The following ARSF variants were observed in gnomAD, a reference collection of about 807,000 sequenced individuals.
The protein encoded by ARSF is arylsulfatase F.
ARSF carries 33 observed loss-of-function variants against 35.4 expected under a neutral mutation model. That is an observed-to-expected ratio of 0.93 (90% confidence interval 0.71 to 1.25). ARSF has a LOEUF of 1.25. ARSF is among the 50% of genes most tolerant of loss of function. ARSF has a pLI of 0.00. For missense variants in ARSF, 501 were observed against 480.2 expected (o/e 1.04, Z -0.40); for synonymous variants, 222 against 193.1 (o/e 1.15, Z -1.24).
rs1324597129 is a variant in ARSF, at chrX:3,112,388, C to G, written c.1605C>G (p.Ala535=). ...PLHDFVIKKV[A]NALKEHQETI... ...ATGATTTTGTGATTAAAAAGGTGGC[C>G]AACGCCCTGAAGGAACACCAGGAAA... The change falls in exon 11 of 11, where the codon GCC becomes GCG. Residue 535 remains alanine, a synonymous_variant. Coordinates refer to ENST00000381127, the MANE Select transcript of ARSF (RefSeq NM_001201539.2). The G allele has an allele frequency of 5.0e-6, 6 of 1,209,218 alleles. No homozygotes were observed. In the Admixed American group the frequency reaches 6.6e-5, roughly 13 times the overall value.
At chrX:3,058,463 C>T (rs1400411743) in intron 1 of ARSF, 3 of 242,599 alleles carry the variant, frequency 1.2e-5, no homozygotes, top group African/African-American at 2.9e-5. Flanking sequence ...GAAGCGATCC[C>T]CCACCTCAGT....
intron 1 of ARSF, among the ~76,000 whole-genome samples, chrX:3,055,534 G>A (rs954256721): frequency 9.1e-5 from 10 of 110,146 alleles, no homozygotes; most frequent in Non-Finnish European, 1.5e-4. Context: ...ACAGAAATAC[G>A]TATATATGGT....
chrX:3,082,579 C>T (rs2090210253), intron 5 of ARSF, among the ~76,000 whole-genome samples: 1 of 110,821 alleles, frequency 9.0e-6, no homozygotes, highest in Non-Finnish European at 1.9e-5. Context: ...TCTATTTAGA[C>T]ATCTCTCTAT....
chrX:3,085,360 A>AT (rs1569141942), intron 6 of ARSF, among the ~76,000 whole-genome samples: 130 of 103,386 alleles, frequency 1.3e-3, no homozygotes, highest in South Asian at 4.3e-3. Context: ...CATATAGATA[A>AT]ATATATATAT....
At chrX:3,092,706 A>G (rs1231424613) in intron 7 of ARSF, among the ~76,000 whole-genome samples, 1 of 112,495 alleles carries the variant, frequency 8.9e-6, no homozygotes, top group Non-Finnish European at 1.9e-5. Flanking sequence ...AAGAATAAAC[A>G]TCTGCTTTAA....
Position 3,047,531 on chromosome X carries a change from G to T in ARSF, c.-29+5868G>T, listed in dbSNP as rs1163118021. On this transcript the variant is annotated intron_variant, in intron 1 of 10. Transcript: ENST00000381127. Reference sequence around the variant, plus strand: ...AAAGAAAGAGCATGTTTGGGCTGGTGCAGGGCCCGCAGCTCACTCACTATT... The same window carrying T: ...AAAGAAAGAGCATGTTTGGGCTGGTTCAGGGCCCGCAGCTCACTCACTATT... Among the ~76,000 whole-genome samples, 6 of 110,903 alleles carry T rather than the reference G, an allele frequency of 5.4e-5. No homozygotes were observed. The East Asian group carries it at 1.4e-3, about 26-fold the overall frequency.
At chrX:3,052,690 CAAA>C (rs60919775) in intron 1 of ARSF, among the ~76,000 whole-genome samples, 12 of 73,666 alleles carry the variant, frequency 1.6e-4, no homozygotes, top group Admixed American at 1.6e-4. Flanking sequence ...GACCCTGTCT[CAAA>C]AAAAAAAAAA....
At chrX:3,076,498 G>A (rs760973956) in intron 3 of ARSF, 50 bp from the exon 4 acceptor site, 27 of 1,124,301 alleles carry the variant, frequency 2.4e-5, no homozygotes, top group East Asian at 3.4e-5. Flanking sequence ...TGCTTCCCCC[G>A]CCCCCCACCT....
chrX:3,093,288 G>A (rs1196381916), intron 7 of ARSF, among the ~76,000 whole-genome samples: 3 of 111,962 alleles, frequency 2.7e-5, no homozygotes, highest in African/African-American at 9.8e-5. Context: ...GATTCAGGGA[G>A]TACGCATGCA....
chrX:3,072,223 C>T (rs376800047), intron 3 of ARSF, 48 bp downstream of exon 3: 52 of 1,172,679 alleles, frequency 4.4e-5, no homozygotes, highest in Non-Finnish European at 6.0e-5. Flanking sequence ...CGTTCAGGTT[C>T]AGCAGGCTGG....
intron 7 of ARSF, among the ~76,000 whole-genome samples, chrX:3,094,063 G>C (rs1039108320): frequency 3.6e-5 from 4 of 111,921 alleles, no homozygotes; most frequent in African/African-American, 1.3e-4. Flanking sequence ...TTTCCAGCTG[G>C]TATAATAAAC....
intron 1 of ARSF, among the ~76,000 whole-genome samples, chrX:3,057,464 G>A (rs188099806): frequency 1.1e-3 from 123 of 111,102 alleles, no homozygotes; most frequent in Non-Finnish European, 4.5e-4. Context: ...CAGGCAGAAC[G>A]TCTTATTAGG....
intron 1 of ARSF, among the ~76,000 whole-genome samples, chrX:3,057,075 G>A (rs2090021510): frequency 9.0e-6 from 1 of 111,298 alleles, no homozygotes; most frequent in Non-Finnish European, 1.9e-5. Flanking sequence ...AAAAGAGTCG[G>A]TTGCCCATCA....
intron 4 of ARSF, 57 bp downstream of exon 4, chrX:3,076,726 C>T (rs1195249540): frequency 8.5e-7 from 1 of 1,178,016 alleles, no homozygotes; most frequent in African/African-American, 1.8e-5. Flanking sequence ...TGTGAGGAAA[C>T]AAAAATGTGG....
intron 1 of ARSF, among the ~76,000 whole-genome samples, chrX:3,042,729 C>T (rs1164313975): frequency 2.6e-4 from 29 of 110,656 alleles, no homozygotes; most frequent in African/African-American, 9.2e-4. Context: ...AACTCCTAAC[C>T]TCAGGTGATC....
chrX:3,098,038 TACACACACAAC>T (rs2090348622), intron 7 of ARSF, among the ~76,000 whole-genome samples: 1 of 53,181 alleles, frequency 1.9e-5, no homozygotes, highest in Admixed American at 2.3e-4. Flanking sequence ...TATATACACA[TACACACACAAC>T]ACACACACAC....
Position 3,112,362 on chromosome X carries a change from C to T in ARSF, c.1579C>T (p.His527Tyr), listed in dbSNP as rs1052638. Residue 527 changes from histidine (H) to tyrosine (Y), a missense_variant, in exon 11 of 11, where the codon CAT becomes TAT. Coordinates refer to ENST00000381127, the MANE Select transcript of ARSF (RefSeq NM_001201539.2). ...CCTGACACCTGCCACAGAGCCCCTC[C>T]ATGATTTTGTGATTAAAAAGGTGGC... is the stretch of plus-strand genomic sequence containing the variant. ...TPLTPATEPLHDFVIKKVANA... is the reference protein window; with the variant it reads ...TPLTPATEPLYDFVIKKVANA... 102,654 of 1,208,741 alleles carry T rather than the reference C, an allele frequency of 0.085. 3,042 individuals are homozygous for T. Among genetic ancestry groups the T allele is most frequent in the Admixed American group, 0.094 (4,276 of 45,570 alleles).
At chrX:3,093,523 T>A (rs1263235804) in intron 7 of ARSF, among the ~76,000 whole-genome samples, 1 of 112,039 alleles carries the variant, frequency 8.9e-6, no homozygotes, top group Non-Finnish European at 1.9e-5. Flanking sequence ...GGTTTTCTTT[T>A]TCTGTGTTAA....
In ARSF at chrX:3,084,620, C is replaced by A; in HGVS notation, c.784C>A (p.Arg262=). 1 of 1,192,390 alleles carries A rather than the reference C, an allele frequency of 8.4e-7. No individual in the cohort carries two copies. Among genetic ancestry groups the A allele is most frequent in the Non-Finnish European group, 1.1e-6 (1 of 884,776 alleles). Reference sequence around the variant, plus strand: ...CACGGAGCAGCCCATGAAGGCTGAACGAGCTGGATCCATTATGGTGAAGGA... The same window carrying A: ...CACGGAGCAGCCCATGAAGGCTGAAAGAGCTGGATCCATTATGGTGAAGGA... The part of the protein sequence containing the change: ...EITEQPMKAE[R]AGSIMVKEAI... The change falls in exon 6 of 11, where the codon CGA becomes AGA. Residue 262 remains arginine (R), a synonymous_variant. Coordinates refer to ENST00000381127, the MANE Select transcript of ARSF (RefSeq NM_001201539.2).
Sources: gnomAD v4.1 joint callset for allele counts (sites outside exome capture counted in the v4.1 genomes callset) on GRCh38, gnomAD v4.1.1 for gene constraint, MANE v1.5 for transcripts, NCBI Gene and HGNC (gene_info 2026-07-23, HGNC 2026-07-21) for gene names.